The following ADAMTS6 variants were observed in gnomAD, a reference collection of about 807,000 sequenced individuals.
The protein encoded by ADAMTS6 is ADAM metallopeptidase with thrombospondin type 1 motif 6, also known as A disintegrin and metalloproteinase with thrombospondin motifs 6.
In ADAMTS6, 23 loss-of-function variants were observed where a neutral mutation model predicts 144.3. The observed-to-expected ratio is 0.16, with a 90% CI of 0.11 to 0.23. ADAMTS6 has a LOEUF of 0.23. Ranked by LOEUF, ADAMTS6 falls within the 10% of genes least tolerant of loss-of-function variation. The pLI, the probability that ADAMTS6 is intolerant of heterozygous loss-of-function variation, is 1.00. For missense variants in ADAMTS6, 999 were observed against 1,379.6 expected (o/e 0.72, Z 4.37); for synonymous variants, 444 against 457.5 (o/e 0.97, Z 0.38).
At chr5:65,326,999 A>G (rs1332492788) in intron 9 of ADAMTS6, among the ~76,000 whole-genome samples, 1 of 152,138 alleles carries the variant, frequency 6.6e-6, no homozygotes, top group Non-Finnish European at 1.5e-5. Flanking sequence ...GATCCCAAAT[A>G]CTGGAGGTGG....
intron 7 of ADAMTS6, among the ~76,000 whole-genome samples, chr5:65,397,827 T>C (rs977167976): frequency 1.4e-5 from 2 of 147,890 alleles, no homozygotes; most frequent in African/African-American, 5.0e-5. Flanking sequence ...CAGTGAGCTA[T>C]GATTTTGCCA....
At chr5:65,387,194 G>C (rs1752543819) in intron 7 of ADAMTS6, among the ~76,000 whole-genome samples, 1 of 152,134 alleles carries the variant, frequency 6.6e-6, no homozygotes, top group South Asian at 2.1e-4. Context: ...CTATTAGTCT[G>C]AAGTTTAATT....
At chr5:65,318,566 T>C (rs1460015745) in intron 9 of ADAMTS6, among the ~76,000 whole-genome samples, 1 of 152,152 alleles carries the variant, frequency 6.6e-6, no homozygotes, top group Non-Finnish European at 1.5e-5. Context: ...AATGAGATCC[T>C]GCCATTTGCA....
intron 7 of ADAMTS6, among the ~76,000 whole-genome samples, chr5:65,394,485 TTTTGGGGCAAC>T (rs1349857916): frequency 6.6e-6 from 1 of 152,104 alleles, no homozygotes; most frequent in Non-Finnish European, 1.5e-5. Flanking sequence ...AGCCACCAAG[TTTTGGGGCAAC>T]TTATCACGAA....
At chr5:65,304,366 C>G (rs1743731850) in intron 9 of ADAMTS6, among the ~76,000 whole-genome samples, 1 of 152,126 alleles carries the variant, frequency 6.6e-6, no homozygotes, top group South Asian at 2.1e-4. Context: ...CAGATGTATA[C>G]TGTGGAATAC....
chr5:65,285,885 A>C (rs1763324777), intron 11 of ADAMTS6, among the ~76,000 whole-genome samples: 2 of 152,322 alleles, frequency 1.3e-5, no homozygotes, highest in South Asian at 4.1e-4. Context: ...ATAATGTGAA[A>C]CAGAGTAACT....
chr5:65,314,321 G>C (rs1352130148), intron 9 of ADAMTS6, among the ~76,000 whole-genome samples: 1 of 151,868 alleles, frequency 6.6e-6, no homozygotes, highest in African/African-American at 2.4e-5. Context: ...AGAGAAAAAA[G>C]AATCACGCAC....
chr5:65,233,858 C>T (rs146568845), intron 15 of ADAMTS6, among the ~76,000 whole-genome samples: 413 of 152,126 alleles, frequency 2.7e-3, no homozygotes, highest in African/African-American at 8.3e-3. Context: ...CTAGAGGCAT[C>T]ACACTTCCTG....
At chr5:65,328,699 C>A (rs1317258899) in intron 9 of ADAMTS6, among the ~76,000 whole-genome samples, 4 of 151,796 alleles carry the variant, frequency 2.6e-5, no homozygotes, top group Admixed American at 1.3e-4. Flanking sequence ...TATCAAGCTT[C>A]TCTTCCTCCA....
rs116258113 is a variant in ADAMTS6 at position 65,352,926 on chromosome 5, G to A, written c.1074-18841C>T. ...ATGTAAATGATCTAAGAACCTAAAC[G>A]ACATATGAGACCCTCCAGCACTATG... On this transcript the variant is annotated intron_variant, in intron 7 of 24. Transcript: ENST00000381055. Among the ~76,000 whole-genome samples, 1,295 of 151,938 alleles carry A rather than the reference G, an allele frequency of 8.5e-3. 17 individuals are homozygous for A. Among genetic ancestry groups the A allele is most frequent in the African/African-American group, 0.029 (1,221 of 41,516 alleles).
chr5:65,452,051 C>A, intron 6 of ADAMTS6, 82 bp downstream of exon 6: 2 of 1,077,454 alleles, frequency 1.9e-6, no homozygotes, highest in East Asian at 2.8e-5. Flanking sequence ...AATAATAAAA[C>A]ATATTATTTA....
intron 9 of ADAMTS6, among the ~76,000 whole-genome samples, chr5:65,306,119 G>A (rs1020315846): frequency 3.3e-5 from 5 of 152,172 alleles, no homozygotes; most frequent in African/African-American, 1.2e-4. Flanking sequence ...TGTGGAATTT[G>A]GGGCCAAGGG....
At chr5:65,268,551 C>T (rs1038467870) in intron 12 of ADAMTS6, among the ~76,000 whole-genome samples, 3 of 152,166 alleles carry the variant, frequency 2.0e-5, no homozygotes, top group Non-Finnish European at 4.4e-5. Context: ...ACCAGCGCAC[C>T]GTCTGGGCTC....
chr5:65,172,625 G>A (rs549360593), intron 23 of ADAMTS6, among the ~76,000 whole-genome samples: 101 of 152,246 alleles, frequency 6.6e-4, no homozygotes, highest in African/African-American at 2.3e-3. Flanking sequence ...GAAGTGTGTG[G>A]GTGTGGGAGA....
chr5:65,442,202 A>G (rs1445237153), intron 7 of ADAMTS6, among the ~76,000 whole-genome samples: 2 of 152,094 alleles, frequency 1.3e-5, no homozygotes, highest in Non-Finnish European at 2.9e-5. Context: ...AAAAGACAAA[A>G]ACTACCAATA....
At chr5:65,432,907 C>G (rs1468145556) in intron 7 of ADAMTS6, among the ~76,000 whole-genome samples, 2 of 152,010 alleles carry the variant, frequency 1.3e-5, no homozygotes, top group East Asian at 3.9e-4. Flanking sequence ...ATTATCAGTT[C>G]AATACATATG....
At chr5:65,285,960 G>A (rs1763329912) in intron 11 of ADAMTS6, among the ~76,000 whole-genome samples, 1 of 152,182 alleles carries the variant, frequency 6.6e-6, no homozygotes. Context: ...ACTGGCATTT[G>A]AGCTGAGACT....
At chr5:65,211,909 T>C (rs1437338110) in intron 20 of ADAMTS6, among the ~76,000 whole-genome samples, 1 of 152,158 alleles carries the variant, frequency 6.6e-6, no homozygotes, top group Non-Finnish European at 1.5e-5. Context: ...CCCTACTATG[T>C]TTCGGATATT....
At chr5:65,471,412 A>G (rs1211452305) in intron 2 of ADAMTS6, among the ~76,000 whole-genome samples, 2 of 152,304 alleles carry the variant, frequency 1.3e-5, no homozygotes, top group African/African-American at 4.8e-5. Context: ...TAAGAGCTAA[A>G]TTCTACAAGA....
Sources: gnomAD v4.1 joint callset for allele counts (sites outside exome capture counted in the v4.1 genomes callset) on GRCh38, gnomAD v4.1.1 for gene constraint, MANE v1.5 for transcripts, NCBI Gene and HGNC (gene_info 2026-07-23, HGNC 2026-07-21) for gene names.